The following PRKAG2 variants were observed in gnomAD, a reference collection of about 807,000 sequenced individuals.
PRKAG2 encodes the protein 5'-AMP-activated protein kinase subunit gamma-2.
PRKAG2 carries 26 observed loss-of-function variants against 69.6 expected under a neutral mutation model. The ratio of observed to expected loss-of-function variants is 0.37; its 90% CI spans 0.27 to 0.52. PRKAG2 has a LOEUF of 0.52. Among genes scored for constraint, PRKAG2 ranks in the 20% least tolerant of loss-of-function variants. The probability of loss-of-function intolerance (pLI) is 0.90; values close to 1 mark genes in which losing one functional copy is unlikely to be tolerated. For missense variants in PRKAG2, 557 were observed against 740.0 expected (o/e 0.75, Z 2.87); for synonymous variants, 293 against 285.0 (o/e 1.03, Z -0.28).
At chr7:151,739,839 TCTG>T (rs1208893263) in intron 3 of PRKAG2, among the ~76,000 whole-genome samples, 1 of 152,108 alleles carries the variant, frequency 6.6e-6, no homozygotes, top group Non-Finnish European at 1.5e-5. Flanking sequence ...GGTTTTCAGC[TCTG>T]CCTGCTGAAA....
chr7:151,802,858 C>G (rs992838850), intron 1 of PRKAG2, among the ~76,000 whole-genome samples: 1 of 152,072 alleles, frequency 6.6e-6, no homozygotes, highest in Non-Finnish European at 1.5e-5. Flanking sequence ...TTTAATCCCC[C>G]CGTGCCAGCA....
At chr7:151,860,475 C>A (rs987402349) in intron 1 of PRKAG2, among the ~76,000 whole-genome samples, 3 of 152,144 alleles carry the variant, frequency 2.0e-5, no homozygotes, top group African/African-American at 7.2e-5. Context: ...CTGTGGTGCC[C>A]AAGGCCTCGC....
chr7:151,568,105 C>G (rs945347726), intron 11 of PRKAG2, among the ~76,000 whole-genome samples: 8 of 152,162 alleles, frequency 5.3e-5, no homozygotes, highest in Non-Finnish European at 1.5e-5. Flanking sequence ...TCTGTTCTTC[C>G]TGAGTCTCTT....
In PRKAG2 at chr7:151,807,079, G is replaced by T. The variant is rs1443999869; in HGVS notation, c.115-20538C>A. ...CCTCAAGTCTGAAGGTGGAGGTGGGGAAGGGCAGAGGCTGTAAAGGGTCAG... is the reference window on the plus strand; with the variant it reads ...CCTCAAGTCTGAAGGTGGAGGTGGGTAAGGGCAGAGGCTGTAAAGGGTCAG... On this transcript the variant is annotated intron_variant, in intron 1 of 15. Coordinates refer to ENST00000287878, the MANE Select transcript of PRKAG2 (RefSeq NM_016203.4). This position sits in a 1 kb window ranked among gnomAD's most constrained non-coding sequence, Gnocchi z 4.4. The T allele has an allele frequency of 4.7e-6, 2 of 424,836 alleles. No homozygotes were observed. The highest frequency in any genetic ancestry group is 1.4e-4 in the East Asian group (2 of 14,286). The allele number at this position is 424,836 out of a possible 1,614,324, so 26.3% of individuals were successfully genotyped here.
chr7:151,579,824 T>C (rs1585022903), intron 6 of PRKAG2, among the ~76,000 whole-genome samples: 4 of 152,140 alleles, frequency 2.6e-5, no homozygotes, highest in Admixed American at 2.6e-4. Context: ...AAAGACACAT[T>C]GGCTTTCAAA....
intron 4 of PRKAG2, among the ~76,000 whole-genome samples, chr7:151,673,016 A>C (rs894746283): frequency 2.6e-5 from 4 of 152,144 alleles, no homozygotes; most frequent in Middle Eastern, 3.2e-3. Flanking sequence ...GTTGGGTTAT[A>C]AGGAGATAAG....
chr7:151,617,284 G>A (rs1212553615), intron 5 of PRKAG2, among the ~76,000 whole-genome samples: 5 of 118,014 alleles, frequency 4.2e-5, no homozygotes, highest in African/African-American at 1.1e-4. Context: ...GGGAGGGAAA[G>A]AGGGAGGGGG....
intron 3 of PRKAG2, among the ~76,000 whole-genome samples, chr7:151,691,221 AT>A (rs1405486605): frequency 6.6e-6 from 1 of 152,194 alleles, no homozygotes; most frequent in African/African-American, 2.4e-5. Context: ...TGGATCACTT[AT>A]AATACCTAAT....
chr7:151,748,678 CA>C (rs915050202), intron 3 of PRKAG2, among the ~76,000 whole-genome samples: 4 of 151,306 alleles, frequency 2.6e-5, no homozygotes, highest in Non-Finnish European at 5.9e-5. Flanking sequence ...GAAAATTGAA[CA>C]AAAAAAATCT....
intron 11 of PRKAG2, chr7:151,566,713 GA>G (rs898448729): frequency 0.033 from 8,985 of 274,778 alleles, 4 homozygotes; most frequent in South Asian, 0.054. Flanking sequence ...GAAATTTAGA[GA>G]AAAAAAAAAA....
chr7:151,605,201 G>C (rs533967377), intron 5 of PRKAG2, among the ~76,000 whole-genome samples: 2 of 151,654 alleles, frequency 1.3e-5, no homozygotes, highest in East Asian at 3.9e-4. Context: ...ATTTTTAGTA[G>C]AGACGGGGTT....
chr7:151,761,101 C>T (rs544248573), intron 3 of PRKAG2, among the ~76,000 whole-genome samples: 57 of 152,320 alleles, frequency 3.7e-4, no homozygotes, highest in African/African-American at 1.3e-3. Context: ...TTCCATATTG[C>T]TTCTGACCTC....
In PRKAG2 at chr7:151,614,548, C is replaced by T. The variant is rs981337518; in HGVS notation, c.754+17521G>A. Among the ~76,000 whole-genome samples, 2 of 152,250 alleles carry T rather than the reference C, an allele frequency of 1.3e-5. No homozygotes were observed. The highest frequency in any genetic ancestry group is 4.1e-4 in the South Asian group (2 of 4,822). On this transcript the variant is annotated intron_variant, in intron 5 of 15. Transcript: ENST00000287878. This position sits in a 1 kb window ranked among gnomAD's most constrained non-coding sequence, Gnocchi z 4.4. ...ATCGTGACTCTCCGTCCCATCCCTG[C>T]GTGCTCTCCTTCACCTCCGCCCCTC...
At chr7:151,834,813 C>T (rs1281138431) in intron 1 of PRKAG2, among the ~76,000 whole-genome samples, 1 of 152,260 alleles carries the variant, frequency 6.6e-6, no homozygotes, top group East Asian at 1.9e-4. Context: ...AACGCACCAT[C>T]TCCCAGTTCC....
chr7:151,812,985 A>G (rs1436705141), intron 1 of PRKAG2, among the ~76,000 whole-genome samples: 1 of 151,232 alleles, frequency 6.6e-6, no homozygotes, highest in Non-Finnish European at 1.5e-5. Context: ...AGTCCTTGGA[A>G]GTTTCCATGC....
chr7:151,658,739 T>C (rs1829879874), intron 4 of PRKAG2, among the ~76,000 whole-genome samples: 1 of 152,204 alleles, frequency 6.6e-6, no homozygotes, highest in Non-Finnish European at 1.5e-5. Flanking sequence ...AATCTGCAGC[T>C]CTATCACTAA....
chr7:151,572,374 G>C, intron 9 of PRKAG2: 1 of 263,752 alleles, frequency 3.8e-6, no homozygotes, highest in Non-Finnish European at 7.1e-6. Context: ...CCCCATTGTG[G>C]GCAGCGAGGT....
chr7:151,745,395 C>T (rs571037645), intron 3 of PRKAG2, among the ~76,000 whole-genome samples: 2 of 152,326 alleles, frequency 1.3e-5, no homozygotes, highest in South Asian at 2.1e-4. Flanking sequence ...ATCGCCACGT[C>T]GCCTCACTGG....
chr7:151,604,719 T>C (rs1477877508), intron 5 of PRKAG2, among the ~76,000 whole-genome samples: 2 of 151,290 alleles, frequency 1.3e-5, no homozygotes, highest in African/African-American at 4.9e-5. Flanking sequence ...TCCTTATTTT[T>C]TCCTTAATGC....
Sources: allele counts gnomAD v4.1 joint callset (sites outside exome capture counted in the v4.1 genomes callset), GRCh38; gene constraint gnomAD v4.1.1; non-coding constraint Gnocchi (gnomAD v3.1); transcripts MANE v1.5; gene names NCBI Gene and HGNC (gene_info 2026-07-23, HGNC 2026-07-21).